The following TM9SF3 variants were observed in gnomAD, a reference collection of about 807,000 sequenced individuals.
TM9SF3 encodes the protein transmembrane 9 superfamily member 3, also known as SM-11044-binding protein.
In TM9SF3, 14 loss-of-function variants were observed where a neutral mutation model predicts 78.6. That is an observed-to-expected ratio of 0.18 (90% CI 0.12 to 0.28). The LOEUF (loss-of-function observed/expected upper bound fraction) is 0.28. Among genes scored for constraint, TM9SF3 ranks in the 10% least tolerant of loss-of-function variants. The probability of loss-of-function intolerance (pLI) is 1.00; values close to 1 mark genes in which losing one functional copy is unlikely to be tolerated. For synonymous variants in TM9SF3, 231 were observed against 241.7 expected (o/e 0.96, Z 0.41); for missense variants, 496 against 721.9 (o/e 0.69, Z 3.59).
intron 2 of TM9SF3, 66 bp from the exon 3 acceptor site, chr10:96,565,492 AGACAAG>A: frequency 6.9e-7 from 1 of 1,449,840 alleles, no homozygotes; most frequent in Non-Finnish European, 9.1e-7. Context: ...AAAAAAAAAA[AGACAAG>A]AAAAAAGCCA....
chr10:96,586,522 G>A (rs747927852), intron 1 of TM9SF3, among the ~76,000 whole-genome samples: 4 of 151,772 alleles, frequency 2.6e-5, no homozygotes, highest in Non-Finnish European at 5.9e-5. Context: ...AGGAGACCCT[G>A]TCACTCGGGA....
At chr10:96,545,287 T>C (rs184599755) in intron 8 of TM9SF3, among the ~76,000 whole-genome samples, 90 of 152,296 alleles carry the variant, frequency 5.9e-4, no homozygotes, top group African/African-American at 1.6e-3. Flanking sequence ...GAAAGTACCA[T>C]AGAAAAATAA....
At chr10:96,560,717 A>C in intron 4 of TM9SF3, 2 of 577,082 alleles carry the variant, frequency 3.5e-6, no homozygotes, top group Non-Finnish European at 6.7e-6. Flanking sequence ...AAGAAAAACC[A>C]CCAGTGAAGA....
Position 96,521,992 on chromosome 10 carries a change from G to T in TM9SF3, c.*271C>A. On this transcript the variant is annotated 3_prime_UTR_variant, in exon 15 of 15. Transcript: ENST00000371142. ...AGAGCTGGTCTATTTCATCTTTAAT[G>T]AGCTAGTTTTTGGGAAGATTAGCCA... 2.6e-6 allele frequency: 1 copy of T among 388,360 alleles called. No individual in the cohort carries two copies. The highest frequency in any genetic ancestry group is 4.6e-6 in the Non-Finnish European group (1 of 217,810). The allele number at this position is 388,360 out of a possible 1,614,324, so 24.1% of individuals were successfully genotyped here.
chr10:96,557,230 C>T (rs1848244161), intron 5 of TM9SF3, among the ~76,000 whole-genome samples: 2 of 152,146 alleles, frequency 1.3e-5, no homozygotes, highest in Non-Finnish European at 2.9e-5. Flanking sequence ...TCAATATCTC[C>T]ATTTGGATAT....
intron 1 of TM9SF3, among the ~76,000 whole-genome samples, chr10:96,583,007 G>A (rs377371708): frequency 6.6e-6 from 1 of 150,888 alleles, no homozygotes; most frequent in African/African-American, 2.4e-5. Context: ...TTGAACCCGG[G>A]AGGCGGAAGT....
At chr10:96,572,676 A>C (rs564323448) in intron 2 of TM9SF3, among the ~76,000 whole-genome samples, 3 of 151,568 alleles carry the variant, frequency 2.0e-5, no homozygotes, top group African/African-American at 7.3e-5. Context: ...ACAAGCGCCC[A>C]CCACCGTGCC....
chr10:96,548,629 C>T (rs956946969), intron 7 of TM9SF3, among the ~76,000 whole-genome samples: 6 of 151,778 alleles, frequency 4.0e-5, no homozygotes, highest in Admixed American at 1.3e-4. Flanking sequence ...AAAACCCCGC[C>T]TCTACTAAAA....
chr10:96,529,606 T>G (rs531262680), intron 11 of TM9SF3, among the ~76,000 whole-genome samples: 5 of 146,016 alleles, frequency 3.4e-5, no homozygotes, highest in African/African-American at 1.3e-4. Context: ...AGGAAAAAAA[T>G]GAAAAAATTT....
At chr10:96,574,947 T>C (rs1848479914) in intron 2 of TM9SF3, among the ~76,000 whole-genome samples, 1 of 151,964 alleles carries the variant, frequency 6.6e-6, no homozygotes, top group Admixed American at 6.6e-5. Flanking sequence ...AGGGAAGGGA[T>C]AGCATTAGGA....
chr10:96,570,913 T>A (rs1848430802), intron 2 of TM9SF3, among the ~76,000 whole-genome samples: 1 of 152,038 alleles, frequency 6.6e-6, no homozygotes, highest in Non-Finnish European at 1.5e-5. Context: ...ATTTTTGTAT[T>A]TTTTTGGTAG....
At chr10:96,577,240 T>TAA (rs60557473) in intron 1 of TM9SF3, among the ~76,000 whole-genome samples, 2,739 of 143,540 alleles carry the variant, frequency 0.019, 49 homozygotes, top group African/African-American at 0.05. Flanking sequence ...GTTAATCAAT[T>TAA]AAAAAAAAAA....
chr10:96,586,883 G>GCCGCCGCCTCCT lies in TM9SF3; in HGVS notation c.-60_-49dup. 16 of 974,874 alleles carry GCCGCCGCCTCCT rather than the reference G, an allele frequency of 1.6e-5. No individual in the cohort carries two copies. The highest frequency in any genetic ancestry group is 2.0e-5 in the Non-Finnish European group (16 of 783,482). 60.4% of individuals were successfully genotyped at this position (974,874 alleles called of 1,614,324 possible). On this transcript the variant is annotated 5_prime_UTR_variant, in exon 1 of 15. Coordinates refer to ENST00000371142, the MANE Select transcript of TM9SF3 (RefSeq NM_020123.4). The stretch of plus-strand genomic sequence containing the variant: ...AGCCGGCTCACCGACTCCTCCTCCC[G>GCCGCCGCCTCCT]CCGCCGCCTCCTCCGCCGCCGCCGC...
intron 2 of TM9SF3, among the ~76,000 whole-genome samples, chr10:96,571,473 T>A (rs1308515033): frequency 6.6e-6 from 1 of 152,152 alleles, no homozygotes; most frequent in Non-Finnish European, 1.5e-5. Flanking sequence ...GAAGTAAACA[T>A]CTTCCGGCTG....
chr10:96,560,936 G>C (rs12775533), intron 4 of TM9SF3: 89,472 of 485,866 alleles, frequency 0.18, 9,093 homozygotes, highest in Admixed American at 0.36. Flanking sequence ...ACAGTTCAGG[G>C]CACTACTGGT....
At chr10:96,553,681 A>G (rs545253179) in intron 5 of TM9SF3, among the ~76,000 whole-genome samples, 1 of 152,302 alleles carries the variant, frequency 6.6e-6, no homozygotes, top group African/African-American at 2.4e-5. Context: ...TGTCACCATC[A>G]TAATTCAGCC....
intron 5 of TM9SF3, among the ~76,000 whole-genome samples, chr10:96,553,613 T>A (rs1003692024): frequency 3.9e-5 from 6 of 152,084 alleles, no homozygotes; most frequent in African/African-American, 9.7e-5. Flanking sequence ...TGCCATGGAC[T>A]TAGGTCACCA....
rs537741140 is a variant in TM9SF3, at chr10:96,535,337, AT to A, written c.1186-2148del. On this transcript the variant is annotated intron_variant, in intron 9 of 14. Coordinates refer to ENST00000371142, the MANE Select transcript of TM9SF3 (RefSeq NM_020123.4). ...TTGCAAGGCAAGCTGTTAAAAAAAA[AT>A]TCACATGGAATGAACTCATTTGTGA... Among the ~76,000 whole-genome samples the A allele has an allele frequency of 8.0e-4, 122 of 152,316 alleles. 1 individual carries two copies. The highest frequency in any genetic ancestry group is 2.7e-3 in the African/African-American group (111 of 41,578).
chr10:96,545,592 G>A (rs2134139863), intron 8 of TM9SF3, among the ~76,000 whole-genome samples: 1 of 152,208 alleles, frequency 6.6e-6, no homozygotes, highest in African/African-American at 2.4e-5. Context: ...ATTCAGACAT[G>A]TATCAACAAA....
Sources: gnomAD v4.1 joint callset for allele counts (sites outside exome capture counted in the v4.1 genomes callset) on GRCh38, gnomAD v4.1.1 for gene constraint, MANE v1.5 for transcripts, NCBI Gene and HGNC (gene_info 2026-07-23, HGNC 2026-07-21) for gene names.